The following RPS6KC1 variants were observed in gnomAD, a reference collection of about 807,000 sequenced individuals.
RPS6KC1 encodes the protein ribosomal protein S6 kinase C1.
A neutral mutation model predicts 103.8 loss-of-function variants in RPS6KC1; 54 were observed. The observed-to-expected ratio is 0.52, with a 90% CI of 0.42 to 0.65. RPS6KC1 has a LOEUF of 0.65. Among genes scored for constraint, RPS6KC1 ranks in the 30% least tolerant of loss-of-function variants. The pLI, the probability that RPS6KC1 is intolerant of heterozygous loss-of-function variation, is 0.00. For synonymous variants in RPS6KC1, 439 were observed against 438.7 expected (o/e 1.00, Z -0.01); for missense variants, 1,151 against 1,253.8 (o/e 0.92, Z 1.24).
chr1:213,832,712 TA>T, the RPS6KC1 span: 1 of 152,252 alleles, frequency 6.6e-6, no homozygotes, highest in Non-Finnish European at 1.5e-5. Flanking sequence ...AGTGATTTAT[TA>T]AAAAGCAGTA....
At chr1:213,445,572 T>TAA in the RPS6KC1 span, among the ~76,000 whole-genome samples, 1 of 152,128 alleles carries the variant, frequency 6.6e-6, no homozygotes, top group Non-Finnish European at 1.5e-5. Flanking sequence ...GCAGGGGACT[T>TAA]AGAGTGCAGG....
At chr1:213,190,000 C>G (rs192787448) in intron 8 of RPS6KC1, among the ~76,000 whole-genome samples, 1 of 152,234 alleles carries the variant, frequency 6.6e-6, no homozygotes, top group Admixed American at 6.5e-5. Flanking sequence ...CTTTTTTATG[C>G]CTGAATAGTA....
chr1:213,804,041 C>T, the RPS6KC1 span, among the ~76,000 whole-genome samples: 12,169 of 150,830 alleles, frequency 0.081, 789 homozygotes, highest in East Asian at 0.21. Flanking sequence ...AGCACACCAA[C>T]GTGGCACATG....
At chr1:213,110,725 T>A (rs1453242260) in intron 4 of RPS6KC1, among the ~76,000 whole-genome samples, 2 of 152,200 alleles carry the variant, frequency 1.3e-5, no homozygotes, top group Non-Finnish European at 2.9e-5. Flanking sequence ...GTGCACTGTC[T>A]CATGGTTTGC....
intron 9 of RPS6KC1, among the ~76,000 whole-genome samples, chr1:213,231,911 C>G (rs1390811030): frequency 1.3e-5 from 2 of 152,192 alleles, no homozygotes; most frequent in African/African-American, 4.8e-5. Flanking sequence ...TTAATGGCAG[C>G]TTTGTGGCAT....
At chr1:213,100,282 C>T (rs2081900924) in intron 3 of RPS6KC1, among the ~76,000 whole-genome samples, 1 of 151,394 alleles carries the variant, frequency 6.6e-6, no homozygotes, top group African/African-American at 2.4e-5. Flanking sequence ...TATCTGTTTA[C>T]ATCTTTTGTC....
chr1:213,077,991 C>T (rs2079502281), intron 3 of RPS6KC1, among the ~76,000 whole-genome samples, 175 bp downstream of exon 3: 1 of 152,054 alleles, frequency 6.6e-6, no homozygotes, highest in South Asian at 2.1e-4. Flanking sequence ...TTTGTGTACC[C>T]AGAATATATT....
At chr1:213,445,443 A>G in the RPS6KC1 span, among the ~76,000 whole-genome samples, 1 of 152,150 alleles carries the variant, frequency 6.6e-6, no homozygotes, top group Non-Finnish European at 1.5e-5. Flanking sequence ...TCTACCCAAT[A>G]CTGTGTATGT....
At chr1:213,373,546 T>C in the RPS6KC1 span, among the ~76,000 whole-genome samples, 1 of 152,148 alleles carries the variant, frequency 6.6e-6, no homozygotes, top group African/African-American at 2.4e-5. Flanking sequence ...AGAAAACCCA[T>C]CCATAAGTAA....
At chr1:213,738,927 G>T in the RPS6KC1 span, among the ~76,000 whole-genome samples, 3 of 143,230 alleles carry the variant, frequency 2.1e-5, no homozygotes, top group Non-Finnish European at 3.1e-5. Context: ...TCTAAGGAAG[G>T]TTTTTTTTTT....
At chr1:213,756,103 C>T in the RPS6KC1 span, among the ~76,000 whole-genome samples, 22 of 152,230 alleles carry the variant, frequency 1.4e-4, no homozygotes, top group African/African-American at 5.3e-4. Context: ...GAAGAGGAGG[C>T]ATCCCTTCCA....
the RPS6KC1 span, among the ~76,000 whole-genome samples, chr1:213,477,320 A>G: frequency 4.6e-5 from 7 of 152,072 alleles, no homozygotes; most frequent in East Asian, 1.3e-3. Context: ...TCGGGCTTGC[A>G]ATGGAGATCT....
chr1:213,052,155 C>G (rs2077003633), intron 1 of RPS6KC1, among the ~76,000 whole-genome samples: 1 of 152,144 alleles, frequency 6.6e-6, no homozygotes, highest in African/African-American at 2.4e-5. Flanking sequence ...TTTTAGTACC[C>G]ACTTTATGTT....
intron 14 of RPS6KC1, 141 bp downstream of exon 14, chr1:213,262,957 T>C: frequency 1.6e-6 from 1 of 630,620 alleles, no homozygotes; most frequent in Non-Finnish European, 2.9e-6. Context: ...GAATTAATAC[T>C]GTATATTTTC....
the RPS6KC1 span, among the ~76,000 whole-genome samples, chr1:213,568,832 A>C: frequency 1.3e-5 from 2 of 152,168 alleles, no homozygotes; most frequent in Non-Finnish European, 2.9e-5. Context: ...AGTGCTCTAT[A>C]TTCAAGTGCT....
At chr1:213,330,657 C>A in the RPS6KC1 span, among the ~76,000 whole-genome samples, 5 of 152,204 alleles carry the variant, frequency 3.3e-5, no homozygotes, top group Non-Finnish European at 7.3e-5. Flanking sequence ...AACCACCCTG[C>A]GCCCCTTCTC....
the RPS6KC1 span, among the ~76,000 whole-genome samples, chr1:213,663,144 T>C: frequency 6.6e-6 from 1 of 152,234 alleles, no homozygotes; most frequent in Non-Finnish European, 1.5e-5. Flanking sequence ...TTGTGAGGAT[T>C]AAATGTATGC....
chr1:213,576,166 C>A, the RPS6KC1 span, among the ~76,000 whole-genome samples: 1 of 151,824 alleles, frequency 6.6e-6, no homozygotes, highest in Non-Finnish European at 1.5e-5. Flanking sequence ...AATGATTTAA[C>A]CAACCATGGA....
chr1:213,800,345 C>T, the RPS6KC1 span, among the ~76,000 whole-genome samples: 3 of 152,142 alleles, frequency 2.0e-5, no homozygotes, highest in Non-Finnish European at 2.9e-5. Context: ...GGCTTGCTTC[C>T]GTGTTCCCTT....
Sources: gnomAD v4.1 joint callset for allele counts (sites outside exome capture counted in the v4.1 genomes callset) on GRCh38, gnomAD v4.1.1 for gene constraint, MANE v1.5 for transcripts, NCBI Gene and HGNC (gene_info 2026-07-23, HGNC 2026-07-21) for gene names.